Variants in TMEM237 observed in about 807,000 individuals in gnomAD.
The protein encoded by TMEM237 is transmembrane protein 237.
TMEM237 carries 51 observed loss-of-function variants against 59.1 expected under a neutral mutation model. The ratio of observed to expected loss-of-function variants is 0.86; its 90% confidence interval spans 0.69 to 1.09. The LOEUF is 1.09. Among genes scored for constraint, TMEM237 ranks in the 50% least tolerant of loss-of-function variants. The pLI is 0.00. For synonymous variants in TMEM237, 140 were observed against 166.1 expected (o/e 0.84, Z 1.21); for missense variants, 475 against 478.3 (o/e 0.99, Z 0.06).
chr2:201,642,614 G>A (rs769606747), intron 1 of TMEM237: 12 of 1,608,836 alleles, frequency 7.5e-6, no homozygotes, highest in South Asian at 5.5e-5. Flanking sequence ...CTTACCACAG[G>A]ATTCTTCCCC....
chr2:201,636,874 A>C lies in TMEM237; in HGVS notation c.148T>G (p.Leu50Val). 4.4e-6 allele frequency: 7 copies of C among 1,603,850 alleles called. No homozygotes were observed. Among genetic ancestry groups the C allele is most frequent in the Non-Finnish European group, 5.9e-6 (7 of 1,176,502 alleles). The change falls in exon 5 of 13, where the codon TTG (leucine) becomes GTG (valine). Residue 50 changes from leucine to valine, a missense_variant. Physicochemically the swap from Leu to Val is conservative, Grantham distance 32. Coordinates refer to ENST00000409883, the MANE Select transcript of TMEM237 (RefSeq NM_001044385.3). ...CCAGCAGTCTGAGCAAGGCCTTCCA[A>C]AGAAGCACTTGCTATAGAAAAACAG... ...RTKNTPASASLEGLAQTAGRR... is the reference protein window; with the variant it reads ...RTKNTPASASVEGLAQTAGRR...
chr2:201,642,731 C>T (rs1255465366), intron 1 of TMEM237: 29 of 1,526,372 alleles, frequency 1.9e-5, no homozygotes, highest in East Asian at 2.6e-5. Flanking sequence ...CGGGCCGCGC[C>T]GCCTGGCTAG....
intron 5 of TMEM237, among the ~76,000 whole-genome samples, chr2:201,634,054 A>G (rs1687242359): frequency 6.6e-6 from 1 of 152,222 alleles, no homozygotes; most frequent in Non-Finnish European, 1.5e-5. Context: ...ATGTGTGCAC[A>G]AATGCACCGT....
chr2:201,624,435 T>TA (rs1226769050), intron 12 of TMEM237, 113 bp from the exon 13 acceptor site: 11 of 584,214 alleles, frequency 1.9e-5, no homozygotes, highest in Non-Finnish European at 2.8e-6. Context: ...TATATACTAA[T>TA]AGAAAGCCCT....
At chr2:201,641,027 T>C (rs969358539) in intron 1 of TMEM237, 103 bp from the exon 2 acceptor site, 75 of 1,029,264 alleles carry the variant, frequency 7.3e-5, no homozygotes, top group Non-Finnish European at 9.5e-5. Flanking sequence ...TGTATTGCTG[T>C]GTGGCCCAGG....
intron 9 of TMEM237, 114 bp from the exon 10 acceptor site, chr2:201,628,263 T>C (rs1957777675): frequency 1.5e-6 from 1 of 662,026 alleles, no homozygotes; most frequent in Non-Finnish European, 2.6e-6. Flanking sequence ...ATACTATTAC[T>C]AGGTTTTAAG....
rs1957814658 is a variant in TMEM237 at position 201,632,260 on chromosome 2, G to T, written c.396-52C>A. 2.5e-6 allele frequency: 4 copies of T among 1,592,748 alleles called. No individual in the cohort carries two copies. In the South Asian group the frequency reaches 4.5e-5, roughly 18 times the overall value. Reference sequence around the variant, plus strand: ...ATAGATGATTATTGAATTTTTTACAGACTTACATAAGGAACTAGCTATAAA... The same window carrying T: ...ATAGATGATTATTGAATTTTTTACATACTTACATAAGGAACTAGCTATAAA... On this transcript the variant is annotated intron_variant, in intron 6 of 12. Coordinates refer to ENST00000409883, the MANE Select transcript of TMEM237 (RefSeq NM_001044385.3).
intron 9 of TMEM237, among the ~76,000 whole-genome samples, chr2:201,628,686 G>A (rs1284446478): frequency 6.6e-6 from 1 of 152,134 alleles, no homozygotes; most frequent in African/African-American, 2.4e-5. Flanking sequence ...GCTGCATGAC[G>A]ATAGAGGCAA....
rs902566888 is a variant in TMEM237 at position 201,624,066 on chromosome 2, A to T, written c.*189T>A. 1.4e-5 allele frequency: 6 copies of T among 435,176 alleles called. No homozygotes were observed. Among genetic ancestry groups the T allele is most frequent in the African/African-American group, 1.2e-4 (6 of 49,350 alleles). The allele number at this position is 435,176 out of a possible 1,614,324, so 27.0% of individuals were successfully genotyped here. ...CCTTTGTCATTAAGATGATAATGCT[A>T]GACAAATTAATGTTTAGACATAAAC... On this transcript the variant is annotated 3_prime_UTR_variant, in exon 13 of 13. Transcript: ENST00000409883.
At chr2:201,638,144 T>C (rs1377249819) in intron 4 of TMEM237, among the ~76,000 whole-genome samples, 1 of 152,248 alleles carries the variant, frequency 6.6e-6, no homozygotes, top group Admixed American at 6.5e-5. Context: ...GCAGTGATTA[T>C]GGTACATTCT....
At chr2:201,626,534 G>GAA (rs751155005) in intron 11 of TMEM237, among the ~76,000 whole-genome samples, 2,429 of 95,812 alleles carry the variant, frequency 0.025, 71 homozygotes, top group African/African-American at 0.066. Context: ...AGCATTTGGG[G>GAA]AAAAAAAAAA....
At chr2:201,638,085 G>T (rs1040314557) in intron 4 of TMEM237, among the ~76,000 whole-genome samples, 4 of 152,152 alleles carry the variant, frequency 2.6e-5, no homozygotes, top group Non-Finnish European at 5.9e-5. Flanking sequence ...ATGCAGAACT[G>T]CAACATTGTT....
intron 9 of TMEM237, 71 bp from the exon 10 acceptor site, chr2:201,628,220 G>GT: frequency 9.1e-7 from 1 of 1,098,318 alleles, no homozygotes; most frequent in South Asian, 1.4e-5. Flanking sequence ...CTTGACTATA[G>GT]TTTTTTCCTT....
chr2:201,636,946 A>T lies in TMEM237; in HGVS notation c.137-61T>A, dbSNP rs1455014804. 7 of 1,498,252 alleles carry T rather than the reference A, an allele frequency of 4.7e-6. No homozygotes were observed. In the Admixed American group the frequency reaches 8.9e-5, roughly 19 times the overall value. The allele number at this position is 1,498,252 out of a possible 1,614,324, so 92.8% of individuals were successfully genotyped here. A position where few individuals can be genotyped will look rare whatever the true frequency, so the allele number is the denominator to read the frequency against. The stretch of plus-strand genomic sequence containing the variant: ...TTGAGCAAAGATCACTGAATCTTAA[A>T]AAGATGGAGGAAAAGGTAACTAGAA... On this transcript the variant is annotated intron_variant, in intron 4 of 12. Transcript: ENST00000409883.
chr2:201,620,641 T>C lies in TMEM237; in HGVS notation c.*3614A>G, dbSNP rs906364781. On this transcript the variant is annotated 3_prime_UTR_variant, in exon 13 of 13. Coordinates refer to ENST00000409883, the MANE Select transcript of TMEM237 (RefSeq NM_001044385.3). The stretch of plus-strand genomic sequence containing the variant: ...TAACAAGGATGTTGCCAGTTGGACA[T>C]TGGACAGGGAGTTGCTGGGCAAATG... 1.3e-5 allele frequency: 2 copies of C among 152,236 alleles called. No individual in the cohort carries two copies. Among genetic ancestry groups the C allele is most frequent in the African/African-American group, 2.4e-5 (1 of 41,464 alleles). 9.4% of individuals were successfully genotyped at this position (152,236 alleles called of 1,614,324 possible).
chr2:201,629,834 T>G lies in TMEM237; in HGVS notation c.572A>C (p.Asp191Ala), dbSNP rs113121789. 2 of 1,612,496 alleles carry G rather than the reference T, an allele frequency of 1.2e-6. No individual in the cohort carries two copies. The highest frequency in any genetic ancestry group is 2.7e-5 in the African/African-American group (2 of 74,986). The change falls in exon 8 of 13, where the codon GAT (aspartate) becomes GCT (alanine). Residue 191 changes from aspartate (D) to alanine (A), a missense_variant. Asp to Ala is a moderately radical substitution (Grantham distance 126). Transcript: ENST00000409883. Reference protein sequence around the residue: ...VEKSRRFQAADRSELIKTTEN... With the variant: ...VEKSRRFQAAARSELIKTTEN... Reference sequence around the variant, plus strand: ...TGTGGTCTTTATCAACTCTGAACGATCAGCAGCCTGGAATCTCCCTAAGAA... The same window carrying G: ...TGTGGTCTTTATCAACTCTGAACGAGCAGCAGCCTGGAATCTCCCTAAGAA...
In TMEM237 at chr2:201,629,374, C is replaced by T. The variant is rs776665329; in HGVS notation, c.725G>A (p.Trp242Ter). The T allele has an allele frequency of 1.9e-6, 3 of 1,600,666 alleles. No individual in the cohort carries two copies. The African/African-American group carries it at 4.0e-5, about 22-fold the overall frequency. ...TAGAACATATATCACAACAATATTC[C>T]ACACAGCACAGCCAGCCAAGAATCC... ...SHGFLAGCAVWNIVVIYVLAG... is the reference protein window; with the variant it reads ...SHGFLAGCAV The change falls in exon 9 of 13, where the codon TGG (tryptophan) becomes TAG (stop). Residue 242 changes from tryptophan to a stop codon, truncating the protein, a stop_gained. Coordinates refer to ENST00000409883, the MANE Select transcript of TMEM237 (RefSeq NM_001044385.3). LOFTEE classifies it high-confidence loss of function.
chr2:201,643,274 G>GCCCCCCCCCCCCCCCCCC lies in TMEM237; in HGVS notation c.42+84_42+85insGGGGGGGGGGGGGGGGGG. 3.3e-6 allele frequency: 4 copies of GCCCCCCCCCCCCCCCCCC among 1,206,750 alleles called. No homozygotes were observed. Among genetic ancestry groups the GCCCCCCCCCCCCCCCCCC allele is most frequent in the South Asian group, 1.4e-5 (1 of 74,072 alleles). 74.8% of individuals were successfully genotyped at this position (1,206,750 alleles called of 1,614,324 possible). A position where few individuals can be genotyped will look rare whatever the true frequency, so the allele number is the denominator to read the frequency against. The stretch of plus-strand genomic sequence containing the variant: ...CCTTAGTGATTCCCAGCTCGTTGGC[G>GCCCCCCCCCCCCCCCCCC]CCCCCCCACACACACCCACCCCCAC... On this transcript the variant is annotated intron_variant, in intron 1 of 12. Transcript: ENST00000409883. This position sits in a 1 kb window ranked among gnomAD's most constrained non-coding sequence, Gnocchi z 4.3.
Position 201,621,113 on chromosome 2 carries a change from G to A in TMEM237, c.*3142C>T, listed in dbSNP as rs1957702583. The A allele has an allele frequency of 6.6e-6, 1 of 152,152 alleles. No individual in the cohort carries two copies. Among genetic ancestry groups the A allele is most frequent in the Non-Finnish European group, 1.5e-5 (1 of 68,026 alleles). 9.4% of individuals were successfully genotyped at this position (152,152 alleles called of 1,614,324 possible). A position where few individuals can be genotyped will look rare whatever the true frequency, so the allele number is the denominator to read the frequency against. On this transcript the variant is annotated 3_prime_UTR_variant, in exon 13 of 13. Coordinates refer to ENST00000409883, the MANE Select transcript of TMEM237 (RefSeq NM_001044385.3). ...GCAACATAAAGTACACAGCATCACA[G>A]ATGAAGTCATATTTTTTTAAAAAAT...
Sources: gnomAD v4.1 joint callset for allele counts (sites outside exome capture counted in the v4.1 genomes callset) on GRCh38, gnomAD v4.1.1 for gene constraint, Gnocchi (gnomAD v3.1) non-coding constraint, MANE v1.5 for transcripts, NCBI Gene and HGNC (gene_info 2026-07-23, HGNC 2026-07-21) for gene names.